The following GPR137C variants were observed in gnomAD, a reference collection of about 807,000 sequenced individuals.
GPR137C encodes the protein G protein-coupled receptor 137C.
In GPR137C, 27 loss-of-function variants were observed where a neutral mutation model predicts 43.4. The observed-to-expected ratio is 0.62, with a 90% confidence interval of 0.46 to 0.86. GPR137C has a LOEUF of 0.86. Among genes scored for constraint, GPR137C ranks in the 40% least tolerant of loss-of-function variants. The pLI is 0.00. For missense variants in GPR137C, 522 were observed against 534.6 expected, an observed-to-expected ratio of 0.98 and a Z score of 0.23; for synonymous variants, 285 against 226.9, an observed-to-expected ratio of 1.26 and a Z score of -2.30.
At chr14:52,569,604 C>T (rs1279156866) in intron 1 of GPR137C, among the ~76,000 whole-genome samples, 7 of 151,614 alleles carry the variant, frequency 4.6e-5, no homozygotes, top group Non-Finnish European at 8.8e-5. Flanking sequence ...CATAAATGAC[C>T]TGATGGAGCT....
chr14:52,598,667 G>A (rs960604667), intron 2 of GPR137C, among the ~76,000 whole-genome samples: 37 of 152,222 alleles, frequency 2.4e-4, no homozygotes, highest in African/African-American at 8.9e-4. Context: ...CCATGAAATA[G>A]GTAATATTTC....
At chr14:52,585,146 T>C (rs779607403) in intron 1 of GPR137C, among the ~76,000 whole-genome samples, 2 of 152,244 alleles carry the variant, frequency 1.3e-5, no homozygotes, top group African/African-American at 2.4e-5. Context: ...AATTCTCTTA[T>C]CCTTCTCGAT....
chr14:52,569,651 G>T (rs142476809), intron 1 of GPR137C, among the ~76,000 whole-genome samples: 1 of 151,786 alleles, frequency 6.6e-6, no homozygotes, highest in African/African-American at 2.4e-5. Flanking sequence ...GCATACACAA[G>T]TATCAATAGT....
At chr14:52,598,762 C>G (rs1486978694) in intron 2 of GPR137C, among the ~76,000 whole-genome samples, 2 of 152,320 alleles carry the variant, frequency 1.3e-5, no homozygotes, top group African/African-American at 4.8e-5. Context: ...CACTAACTTG[C>G]TGACTGTGCA....
chr14:52,597,055 A>G (rs555790959), intron 1 of GPR137C: 43 of 451,048 alleles, frequency 9.5e-5, no homozygotes, highest in Admixed American at 2.1e-4. Flanking sequence ...TACAGTAGGT[A>G]TGAGTAGATG....
intron 3 of GPR137C, among the ~76,000 whole-genome samples, chr14:52,617,294 A>G (rs990664525): frequency 6.6e-6 from 1 of 152,222 alleles, no homozygotes; most frequent in Non-Finnish European, 1.5e-5. Flanking sequence ...AATAAAAAAT[A>G]GAATCAAATA....
chr14:52,614,887 TG>T (rs1306895906), intron 3 of GPR137C, among the ~76,000 whole-genome samples: 2 of 152,196 alleles, frequency 1.3e-5, no homozygotes, highest in African/African-American at 2.4e-5. Flanking sequence ...AGTTTGCAAA[TG>T]TTTTTTTCCA....
At chr14:52,555,764 A>G (rs908512814) in intron 1 of GPR137C, among the ~76,000 whole-genome samples, 4 of 152,134 alleles carry the variant, frequency 2.6e-5, no homozygotes, top group African/African-American at 9.7e-5. Context: ...AAAGAGTGTG[A>G]GTTGTTTGTC....
intron 1 of GPR137C, among the ~76,000 whole-genome samples, chr14:52,570,723 A>G (rs2038453188): frequency 6.6e-6 from 1 of 152,194 alleles, no homozygotes; most frequent in African/African-American, 2.4e-5. Flanking sequence ...CAGACTTTAA[A>G]CCAACAAAGA....
chr14:52,564,274 CAAAAAAA>C (rs34302766), intron 1 of GPR137C, among the ~76,000 whole-genome samples: 3 of 93,256 alleles, frequency 3.2e-5, no homozygotes, highest in African/African-American at 1.2e-4. Context: ...GACTTCGTCT[CAAAAAAA>C]AAAAAAAAAA....
chr14:52,598,699 C>T (rs975670001), intron 2 of GPR137C, among the ~76,000 whole-genome samples: 3 of 152,096 alleles, frequency 2.0e-5, no homozygotes, highest in Admixed American at 6.6e-5. Flanking sequence ...ATCTCAATAG[C>T]GAGAGTGCTA....
rs186646823 is a variant in GPR137C at position 52,562,807 on chromosome 14, T to A, written c.444+9216T>A. Among the ~76,000 whole-genome samples, 388 of 152,310 alleles carry A rather than the reference T, an allele frequency of 2.5e-3. 3 individuals carry two copies. Among genetic ancestry groups the A allele is most frequent in the South Asian group, 0.024 (116 of 4,832 alleles). On this transcript the variant is annotated intron_variant, in intron 1 of 6. Transcript: ENST00000321662. ...AATATTTACATTAGAAGAAAACATT[T>A]AATAAGCTAATCATCTAATTTATGT... is the stretch of plus-strand genomic sequence containing the variant.
intron 1 of GPR137C, among the ~76,000 whole-genome samples, chr14:52,564,271 T>A (rs1299864805): frequency 2.3e-5 from 2 of 86,246 alleles, no homozygotes; most frequent in East Asian, 4.3e-4. Context: ...TGAGACTTCG[T>A]CTCAAAAAAA....
At chr14:52,577,382 A>G (rs1018632273) in intron 1 of GPR137C, among the ~76,000 whole-genome samples, 2 of 151,970 alleles carry the variant, frequency 1.3e-5, no homozygotes, top group Non-Finnish European at 2.9e-5. Context: ...CTACATAAAA[A>G]AGTCATTTCA....
chr14:52,556,619 C>A (rs2038198986), intron 1 of GPR137C, among the ~76,000 whole-genome samples: 1 of 152,002 alleles, frequency 6.6e-6, no homozygotes, highest in Non-Finnish European at 1.5e-5. Context: ...GAGAAGGGTT[C>A]ACACTCCTGG....
Position 52,553,235 on chromosome 14 carries a change from G to T in GPR137C, c.88G>T (p.Gly30Ter). Reference protein sequence around the residue: ...PSTPGGGSGGGGAVAAASGAA... With the variant: ...PSTPGGGSGG ...CACGCCCGGCGGGGGCAGCGGAGGCGGAGGCGCCGTCGCTGCAGCCTCAGG... is the reference window on the plus strand; with the variant it reads ...CACGCCCGGCGGGGGCAGCGGAGGCTGAGGCGCCGTCGCTGCAGCCTCAGG... The change falls in exon 1 of 7, where the codon GGA (glycine) becomes TGA (stop). Residue 30 changes from glycine to a stop codon, truncating the protein, a stop_gained. Transcript: ENST00000321662. LOFTEE classifies it high-confidence loss of function. 1 of 1,298,502 alleles carries T rather than the reference G, an allele frequency of 7.7e-7. No individual in the cohort carries two copies. The highest frequency in any genetic ancestry group is 9.8e-7 in the Non-Finnish European group (1 of 1,024,038). 80.4% of individuals were successfully genotyped at this position (1,298,502 alleles called of 1,614,324 possible). A position where few individuals can be genotyped will look rare whatever the true frequency, so the allele number is the denominator to read the frequency against.
intron 1 of GPR137C, among the ~76,000 whole-genome samples, chr14:52,584,795 C>G (rs1296078239): frequency 6.6e-6 from 1 of 152,062 alleles, no homozygotes. Context: ...GAGACAGAGC[C>G]TTGCTATGCT....
At chr14:52,611,775 T>A (rs2039041555) in intron 3 of GPR137C, 1 of 402,924 alleles carries the variant, frequency 2.5e-6, no homozygotes, top group Non-Finnish European at 3.4e-6. Flanking sequence ...TCTATGACTT[T>A]AACCTCTCTG....
At chr14:52,616,410 T>C (rs1021104365) in intron 3 of GPR137C, among the ~76,000 whole-genome samples, 12 of 152,200 alleles carry the variant, frequency 7.9e-5, no homozygotes, top group African/African-American at 2.9e-4. Flanking sequence ...TCTCATGTGT[T>C]ATCCCCACAA....
Sources: allele counts gnomAD v4.1 joint callset (sites outside exome capture counted in the v4.1 genomes callset), GRCh38; gene constraint gnomAD v4.1.1; transcripts MANE v1.5; gene names NCBI Gene and HGNC (gene_info 2026-07-23, HGNC 2026-07-21).